The following RAB37 variants were observed in gnomAD, a reference collection of about 807,000 sequenced individuals.
RAB37 encodes the protein RAB37, member RAS oncogene family.
A neutral mutation model predicts 33.1 loss-of-function variants in RAB37; 29 were observed. The observed-to-expected ratio is 0.88, with a 90% confidence interval of 0.65 to 1.20. RAB37 has a LOEUF of 1.20. RAB37 is among the 50% of genes most tolerant of loss of function. The probability of loss-of-function intolerance (pLI) is 0.00; values close to 1 mark genes in which losing one functional copy is unlikely to be tolerated. For missense variants in RAB37, 299 were observed against 301.1 expected (o/e 0.99, Z 0.05); for synonymous variants, 128 against 119.5 (o/e 1.07, Z -0.47).
intron 1 of RAB37, among the ~76,000 whole-genome samples, chr17:74,703,663 C>T (rs1453297902): frequency 6.6e-6 from 1 of 152,192 alleles, no homozygotes; most frequent in Admixed American, 6.5e-5. Flanking sequence ...CCCATTGAGA[C>T]AATGCACGTT....
At chr17:74,705,677 C>T (rs886525637) in intron 1 of RAB37, among the ~76,000 whole-genome samples, 13 of 152,080 alleles carry the variant, frequency 8.5e-5, no homozygotes, top group South Asian at 8.3e-4. Context: ...TCACTGAAGC[C>T]TTCACCTCCC....
intron 1 of RAB37, among the ~76,000 whole-genome samples, chr17:74,712,538 T>C (rs2034042344): frequency 6.6e-6 from 1 of 152,228 alleles, no homozygotes; most frequent in African/African-American, 2.4e-5. Flanking sequence ...GCAGCCCATG[T>C]TCCTCCTCTG....
chr17:74,686,687 C>G (rs2032061669), intron 1 of RAB37, among the ~76,000 whole-genome samples: 1 of 152,206 alleles, frequency 6.6e-6, no homozygotes, highest in Non-Finnish European at 1.5e-5. Context: ...AGCCATACAA[C>G]CAGCCTCTTC....
chr17:74,708,522 A>C (rs769928824), intron 1 of RAB37, among the ~76,000 whole-genome samples: 7 of 152,240 alleles, frequency 4.6e-5, no homozygotes, highest in African/African-American at 7.2e-5. Flanking sequence ...AACCTGAAAC[A>C]AAAGATCAGC....
In RAB37 at chr17:74,737,303, C is replaced by T. The variant is rs778848374; in HGVS notation, c.31C>T (p.Arg11Trp). 246 of 1,576,360 alleles carry T rather than the reference C, an allele frequency of 1.6e-4. No homozygotes were observed. Among genetic ancestry groups the T allele is most frequent in the Non-Finnish European group, 2.0e-4 (233 of 1,168,536 alleles). MTGTPGAVAT[R>W]DGEAPERSPP... ...GGGCACGCCAGGCGCCGTTGCCACCCGGGATGGCGAGGCCCCCGAGCGCTC... is the reference window on the plus strand; with the variant it reads ...GGGCACGCCAGGCGCCGTTGCCACCTGGGATGGCGAGGCCCCCGAGCGCTC... The change falls in exon 1 of 9, where the codon CGG becomes TGG. Residue 11 changes from arginine to tryptophan, a missense_variant. Arg to Trp is a moderately radical substitution (Grantham distance 101, BLOSUM62 -3). Coordinates refer to ENST00000392613, the MANE Select transcript of RAB37 (RefSeq NM_001006638.3).
intron 1 of RAB37, among the ~76,000 whole-genome samples, chr17:74,712,376 C>G (rs1447952175): frequency 6.6e-6 from 1 of 152,114 alleles, no homozygotes; most frequent in Non-Finnish European, 1.5e-5. Context: ...TGCCTAGAAC[C>G]ACCACTCCCT....
At chr17:74,741,029 A>C in intron 2 of RAB37, 151 bp downstream of exon 2, 1 of 653,818 alleles carries the variant, frequency 1.5e-6, no homozygotes. Context: ...AAGACCACAG[A>C]GGTGGCCGGG....
rs754381263 is a variant in RAB37 at position 74,744,438 on chromosome 17, C to T, written c.432+65C>T. The stretch of plus-strand genomic sequence containing the variant: ...TCCTCAGCCCTAGCCGGCCCCATAA[C>T]CACCCAAGAACAGTTATCTAGGCAT... On this transcript the variant is annotated intron_variant, in intron 6 of 8. Coordinates refer to ENST00000392613, the MANE Select transcript of RAB37 (RefSeq NM_001006638.3). This position sits in a 1 kb window ranked among gnomAD's most constrained non-coding sequence, Gnocchi z 4.2. The T allele has an allele frequency of 1.3e-6, 2 of 1,487,990 alleles. No individual in the cohort carries two copies. The highest frequency in any genetic ancestry group is 1.7e-5 in the Admixed American group (1 of 59,582). 92.2% of individuals were successfully genotyped at this position (1,487,990 alleles called of 1,614,324 possible). A position where few individuals can be genotyped will look rare whatever the true frequency, so the allele number is the denominator to read the frequency against.
intron 1 of RAB37, among the ~76,000 whole-genome samples, chr17:74,712,550 T>G (rs2034043253): frequency 6.6e-6 from 1 of 152,224 alleles, no homozygotes; most frequent in African/African-American, 2.4e-5. Flanking sequence ...CCTCCTCTGC[T>G]TTTCCCTGGC....
Position 74,716,803 on chromosome 17 carries a change from G to T in RAB37, c.73-12453G>T, listed in dbSNP as rs531190319. Among the ~76,000 whole-genome samples, 90 of 152,242 alleles carry T rather than the reference G, an allele frequency of 5.9e-4. 1 individual carries two copies. Among genetic ancestry groups the T allele is most frequent in the South Asian group, 3.7e-3 (18 of 4,822 alleles). Reference sequence around the variant, plus strand: ...GATAAAGCAGAGAATCCCGGAGCTGGTTGTCACCAGGGCGTCCACTCCAAG... The same window carrying T: ...GATAAAGCAGAGAATCCCGGAGCTGTTTGTCACCAGGGCGTCCACTCCAAG... On this transcript the variant is annotated intron_variant, in intron 1 of 7. Coordinates refer to the RAB37 transcript ENST00000340415.
intron 1 of RAB37, among the ~76,000 whole-genome samples, chr17:74,686,803 C>T (rs1598185943): frequency 6.6e-6 from 1 of 152,206 alleles, no homozygotes; most frequent in South Asian, 2.1e-4. Context: ...GTCTCTGGGT[C>T]GCAGTCCTTC....
Position 74,738,125 on chromosome 17 carries a change from G to A in RAB37, c.93+760G>A, listed in dbSNP as rs1208273383. Among the ~76,000 whole-genome samples, 2 of 152,244 alleles carry A rather than the reference G, an allele frequency of 1.3e-5. No homozygotes were observed. Among genetic ancestry groups the A allele is most frequent in the Non-Finnish European group, 2.9e-5 (2 of 68,010 alleles). ...CCATCTGTGTCCTTGGAGTGAGCGGGTACCAGAAACTGAAAGAACTGCTGA... is the reference window on the plus strand; with the variant it reads ...CCATCTGTGTCCTTGGAGTGAGCGGATACCAGAAACTGAAAGAACTGCTGA... On this transcript the variant is annotated intron_variant, in intron 1 of 8. Transcript: ENST00000392613. The surrounding 1 kb of genome is among the most constrained non-coding windows in gnomAD (Gnocchi z 5.0).
upstream of RAB37, among the ~76,000 whole-genome samples, chr17:74,734,985 A>G (rs1330543238): frequency 0.029 from 3,700 of 128,258 alleles, 197 homozygotes; most frequent in East Asian, 0.083. Flanking sequence ...AAGAAAGAAA[A>G]AGAAAGGAAG....
Position 74,745,544 on chromosome 17 carries a change from A to C in RAB37, c.*133A>C. The C allele has an allele frequency of 1.4e-6, 1 of 695,690 alleles. No homozygotes were observed. Among genetic ancestry groups the C allele is most frequent in the Non-Finnish European group, 2.5e-6 (1 of 397,904 alleles). 43.1% of individuals were successfully genotyped at this position (695,690 alleles called of 1,614,324 possible). ...ACTCACTGCACAGCCGCTTCCTAGC[A>C]GGGAGCTATACTCCAACTCCTACTT... On this transcript the variant is annotated 3_prime_UTR_variant, in exon 9 of 9. Transcript: ENST00000392613. This position sits in a 1 kb window ranked among gnomAD's most constrained non-coding sequence, Gnocchi z 4.5.
At position 74,730,734 on chromosome 17, in the gene RAB37, C is replaced by T. The variant is rs115264813; in HGVS notation, c.183+1368C>T. ...CACACCCTGCCCTCAGGGTCACACC[C>T]GCATCTCCTCACCCACCCTTCTGCC... On this transcript the variant is annotated intron_variant, in intron 2 of 7. Transcript: ENST00000340415. The surrounding 1 kb of genome is among the most constrained non-coding windows in gnomAD (Gnocchi z 4.4). Among the ~76,000 whole-genome samples the T allele has an allele frequency of 2.7e-3, 415 of 152,266 alleles. 3 individuals carry two copies. The highest frequency in any genetic ancestry group is 9.4e-3 in the African/African-American group (389 of 41,550).
At position 74,729,904 on chromosome 17, in the gene RAB37, C is replaced by T. The variant is rs1044729816; in HGVS notation, c.183+538C>T. On this transcript the variant is annotated intron_variant, in intron 2 of 7. Transcript: ENST00000340415. The surrounding 1 kb of genome is among the most constrained non-coding windows in gnomAD (Gnocchi z 4.2). ...GGGACGACAAAGTTTTCAGCACAGT[C>T]CAAACTTAGCAGTCACACGGGTCTC... 1.3e-5 allele frequency among the ~76,000 whole-genome samples: 2 copies of T among 152,218 alleles called. No homozygotes were observed. Among genetic ancestry groups the T allele is most frequent in the African/African-American group, 4.8e-5 (2 of 41,452 alleles).
In RAB37 at chr17:74,676,620, T is replaced by C. The variant is rs564600529; in HGVS notation, c.72+4962T>C. 3.7e-4 allele frequency among the ~76,000 whole-genome samples: 57 copies of C among 152,334 alleles called. No homozygotes were observed. The highest frequency in any genetic ancestry group is 8.5e-4 in the Admixed American group (13 of 15,296). On this transcript the variant is annotated intron_variant, in intron 1 of 7. Transcript: ENST00000340415. The surrounding 1 kb of genome is among the most constrained non-coding windows in gnomAD (Gnocchi z 4.1). ...CATCGATTCATTCAGCAAACATGCA[T>C]TGGACATTTCCAAAGCGTAAAGAAC...
chr17:74,672,968 C>T (rs1358404104), intron 1 of RAB37: 1 of 152,214 alleles, frequency 6.6e-6, no homozygotes, highest in African/African-American at 2.4e-5. Context: ...CTTCTCCCTC[C>T]AGGTCTCTGA....
At chr17:74,692,051 A>G (rs1429208505) in intron 1 of RAB37, among the ~76,000 whole-genome samples, 1 of 152,020 alleles carries the variant, frequency 6.6e-6, no homozygotes, top group Non-Finnish European at 1.5e-5. Flanking sequence ...TATTTTTAGT[A>G]GAGACGGGGT....
Sources: allele counts gnomAD v4.1 joint callset (sites outside exome capture counted in the v4.1 genomes callset), GRCh38; gene constraint gnomAD v4.1.1; non-coding constraint Gnocchi (gnomAD v3.1); transcripts MANE v1.5; gene names NCBI Gene and HGNC (gene_info 2026-07-23, HGNC 2026-07-21).